The following NELL2 variants were observed in gnomAD, a reference collection of about 807,000 sequenced individuals.
The protein encoded by NELL2 is protein kinase C-binding protein NELL2.
A neutral mutation model predicts 109.6 loss-of-function variants in NELL2; 41 were observed. The observed-to-expected ratio is 0.37, with a 90% CI of 0.29 to 0.49. NELL2 has a LOEUF of 0.49. Ranked by LOEUF, NELL2 falls within the 20% of genes least tolerant of loss-of-function variation. The pLI is 0.98. For synonymous variants in NELL2, 355 were observed against 344.7 expected (o/e 1.03, Z -0.33); for missense variants, 900 against 1,008.3 (o/e 0.89, Z 1.45).
At chr12:44,704,974 G>A (rs112306909) in intron 11 of NELL2, among the ~76,000 whole-genome samples, 9,881 of 148,594 alleles carry the variant, frequency 0.066, 419 homozygotes, top group Non-Finnish European at 0.09. Context: ...AGCCAAGATC[G>A]CGCCGCTGCA....
intron 3 of NELL2, among the ~76,000 whole-genome samples, chr12:44,781,427 T>C (rs1191031617): frequency 1.3e-5 from 2 of 152,024 alleles, no homozygotes; most frequent in African/African-American, 4.8e-5. Flanking sequence ...TTTGTATCAC[T>C]AGCATCCGAG....
chr12:44,843,079 T>C (rs1944274482), intron 2 of NELL2, among the ~76,000 whole-genome samples: 1 of 152,106 alleles, frequency 6.6e-6, no homozygotes, highest in Non-Finnish European at 1.5e-5. Context: ...CCAAAACTTC[T>C]GTTCATCAGA....
chr12:44,534,209 T>C (rs971607905), intron 15 of NELL2, among the ~76,000 whole-genome samples: 17 of 152,012 alleles, frequency 1.1e-4, no homozygotes, highest in African/African-American at 4.1e-4. Flanking sequence ...AATGTATACA[T>C]AAGTAAAAAA....
chr12:44,636,399 G>A (rs1297347525), intron 13 of NELL2, among the ~76,000 whole-genome samples: 1 of 152,114 alleles, frequency 6.6e-6, no homozygotes, highest in African/African-American at 2.4e-5. Context: ...TGCCCATTCA[G>A]TATGATATTG....
At chr12:44,911,879 T>C (rs1219843035) in intron 1 of NELL2, among the ~76,000 whole-genome samples, 1 of 151,840 alleles carries the variant, frequency 6.6e-6, no homozygotes, top group Non-Finnish European at 1.5e-5. Context: ...GCCCCCTGAG[T>C]TAATGGGTGC....
chr12:44,804,864 C>T (rs781234175), intron 3 of NELL2, among the ~76,000 whole-genome samples: 1 of 151,756 alleles, frequency 6.6e-6, no homozygotes, highest in Non-Finnish European at 1.5e-5. Context: ...TGAGTTGCAT[C>T]CAAAGAATTC....
intron 11 of NELL2, among the ~76,000 whole-genome samples, chr12:44,706,274 C>CG (rs1937872743): frequency 1.3e-5 from 2 of 152,070 alleles, no homozygotes; most frequent in African/African-American, 4.8e-5. Flanking sequence ...TTCATTCTTC[C>CG]AACAGATAAG....
At chr12:44,568,143 G>T (rs1770185659) in intron 15 of NELL2, among the ~76,000 whole-genome samples, 1 of 152,064 alleles carries the variant, frequency 6.6e-6, no homozygotes, top group South Asian at 2.1e-4. Context: ...TGAAAAAAAG[G>T]GACTTGATTT....
intron 15 of NELL2, among the ~76,000 whole-genome samples, chr12:44,562,752 C>T (rs1943513350): frequency 6.6e-6 from 1 of 152,132 alleles, no homozygotes; most frequent in African/African-American, 2.4e-5. Context: ...TGTGGAAGGC[C>T]ATGTGGCAAT....
intron 9 of NELL2, among the ~76,000 whole-genome samples, chr12:44,747,704 C>G (rs978637966): frequency 6.6e-6 from 1 of 152,066 alleles, no homozygotes; most frequent in African/African-American, 2.4e-5. Context: ...AACAGATTAT[C>G]CCTATCAGTA....
chr12:44,609,396 AG>A (rs1241047532), intron 14 of NELL2, among the ~76,000 whole-genome samples: 3 of 152,220 alleles, frequency 2.0e-5, no homozygotes, highest in South Asian at 2.1e-4. Context: ...AGGCAGCATG[AG>A]GTTGGACAGT....
At chr12:44,668,388 T>C (rs1438393640) in intron 12 of NELL2, among the ~76,000 whole-genome samples, 1 of 152,136 alleles carries the variant, frequency 6.6e-6, no homozygotes, top group Admixed American at 6.5e-5. Flanking sequence ...GGACTGGCCA[T>C]GTGCCCTCCT....
At chr12:44,510,183 T>A (rs545717620) in intron 19 of NELL2, among the ~76,000 whole-genome samples, 1 of 152,328 alleles carries the variant, frequency 6.6e-6, no homozygotes, top group East Asian at 1.9e-4. Flanking sequence ...ACCGTGATGA[T>A]GATAATATCC....
At chr12:44,827,244 C>G (rs1943741045) in intron 2 of NELL2, among the ~76,000 whole-genome samples, 1 of 152,080 alleles carries the variant, frequency 6.6e-6, no homozygotes, top group Admixed American at 6.5e-5. Context: ...TTGAGGTAAT[C>G]ACATCAGGGT....
At chr12:44,793,357 C>T (rs996681925) in intron 3 of NELL2, among the ~76,000 whole-genome samples, 1 of 152,158 alleles carries the variant, frequency 6.6e-6, no homozygotes, top group Non-Finnish European at 1.5e-5. Flanking sequence ...ATCAATTCAA[C>T]TAATGAGTTC....
At chr12:44,893,498 A>G (rs1437909483) in intron 1 of NELL2, among the ~76,000 whole-genome samples, 1 of 152,202 alleles carries the variant, frequency 6.6e-6, no homozygotes, top group Non-Finnish European at 1.5e-5. Flanking sequence ...AAGTGTTAGC[A>G]TTATTTTAAA....
rs553885868 is a variant in NELL2, at chr12:44,634,248, G to T, written c.1445-23278C>A. Among the ~76,000 whole-genome samples, 8 of 152,146 alleles carry T rather than the reference G, an allele frequency of 5.3e-5. No individual in the cohort carries two copies. In the East Asian group the frequency reaches 1.5e-3, roughly 29 times the overall value. ...GCAGGTTTGTTACATAGGTATACAT[G>T]TGTCACGGTGGTTTGCTGCACCCAT... On this transcript the variant is annotated intron_variant, in intron 13 of 19. Coordinates refer to ENST00000429094, the MANE Select transcript of NELL2 (RefSeq NM_001145108.2).
intron 15 of NELL2, among the ~76,000 whole-genome samples, chr12:44,600,916 C>G (rs928212915): frequency 5.3e-5 from 8 of 151,932 alleles, no homozygotes; most frequent in African/African-American, 1.9e-4. Flanking sequence ...AATTTTAAAA[C>G]AAATTTAAAC....
chr12:44,896,536 T>C (rs1190872382), intron 1 of NELL2, among the ~76,000 whole-genome samples: 1 of 152,220 alleles, frequency 6.6e-6, no homozygotes, highest in African/African-American at 2.4e-5. Context: ...CAAGGGCATA[T>C]GCCCTTAAGG....
Sources: gnomAD v4.1 joint callset for allele counts (sites outside exome capture counted in the v4.1 genomes callset) on GRCh38, gnomAD v4.1.1 for gene constraint, MANE v1.5 for transcripts, NCBI Gene and HGNC (gene_info 2026-07-23, HGNC 2026-07-21) for gene names.